The following PALM2AKAP2 variants were observed in gnomAD, a reference collection of about 807,000 sequenced individuals.
The protein encoded by PALM2AKAP2 is PALM2-AKAP2 fusion protein.
A neutral mutation model predicts 71.5 loss-of-function variants in PALM2AKAP2; 37 were observed. The observed-to-expected ratio is 0.52, with a 90% CI of 0.40 to 0.68. The LOEUF is 0.68. PALM2AKAP2 is among the 30% of genes least tolerant of loss of function. PALM2AKAP2 has a pLI of 0.00. For missense variants in PALM2AKAP2, 1,224 were observed against 1,191.8 expected, an observed-to-expected ratio of 1.03 and a Z score of -0.40; for synonymous variants, 468 against 478.8, an observed-to-expected ratio of 0.98 and a Z score of 0.29.
intron 5 of PALM2AKAP2, among the ~76,000 whole-genome samples, chr9:109,930,945 G>A (rs1009744756): frequency 1.3e-5 from 2 of 152,150 alleles, no homozygotes; most frequent in African/African-American, 2.4e-5. Context: ...TTGAGTTTGA[G>A]GTGATTGTGG....
chr9:110,048,869 C>T, intron 1 of PALM2AKAP2: 1 of 1,495,476 alleles, frequency 6.7e-7, no homozygotes, highest in Non-Finnish European at 8.9e-7. Context: ...GGTGTCCAAG[C>T]TGGGGAGGGG....
intron 1 of PALM2AKAP2, among the ~76,000 whole-genome samples, chr9:110,131,243 G>A (rs920842724): frequency 7.9e-5 from 12 of 152,280 alleles, no homozygotes; most frequent in East Asian, 1.9e-4. Context: ...TTTCTGTGTC[G>A]TGGTATTAGG....
At chr9:109,878,759 C>A (rs537716689) in intron 2 of PALM2AKAP2, among the ~76,000 whole-genome samples, 4 of 151,894 alleles carry the variant, frequency 2.6e-5, no homozygotes, top group African/African-American at 9.7e-5. Context: ...TTTTTTGAGA[C>A]GGAGTTTCGC....
chr9:110,016,244 G>T (rs932745934), intron 7 of PALM2AKAP2, among the ~76,000 whole-genome samples: 1 of 152,144 alleles, frequency 6.6e-6, no homozygotes, highest in Non-Finnish European at 1.5e-5. Flanking sequence ...CCCTGAATAT[G>T]CCCGACCTCG....
chr9:109,688,935 A>G (rs1827840343), intron 1 of PALM2AKAP2, among the ~76,000 whole-genome samples: 1 of 152,144 alleles, frequency 6.6e-6, no homozygotes, highest in African/African-American at 2.4e-5. Flanking sequence ...GCAATAATCG[A>G]TTATGTGAGT....
intron 3 of PALM2AKAP2, among the ~76,000 whole-genome samples, chr9:109,893,108 G>A (rs1830122930): frequency 6.6e-6 from 1 of 152,124 alleles, no homozygotes; most frequent in Non-Finnish European, 1.5e-5. Context: ...GCAGTCCAGG[G>A]CAGAGGAAGG....
At chr9:109,722,633 G>A (rs1051981408) in intron 1 of PALM2AKAP2, among the ~76,000 whole-genome samples, 4 of 152,070 alleles carry the variant, frequency 2.6e-5, no homozygotes, top group Admixed American at 6.6e-5. Context: ...TTAGCCAGGC[G>A]TGGTGGCATG....
chr9:110,022,753 G>A (rs1315965568), intron 7 of PALM2AKAP2, among the ~76,000 whole-genome samples: 9 of 144,742 alleles, frequency 6.2e-5, no homozygotes, highest in South Asian at 2.4e-4. Context: ...AACAGTCCCC[G>A]GAGTGTGATG....
chr9:109,942,928 G>C, intron 6 of PALM2AKAP2: 2 of 1,614,168 alleles, frequency 1.2e-6, no homozygotes, highest in Non-Finnish European at 1.7e-6. Flanking sequence ...AAGCTTAGGA[G>C]GAGGGCACGT....
At chr9:109,801,915 A>G (rs1468583067) in intron 1 of PALM2AKAP2, among the ~76,000 whole-genome samples, 1 of 152,178 alleles carries the variant, frequency 6.6e-6, no homozygotes, top group Non-Finnish European at 1.5e-5. Flanking sequence ...GACTAATGAG[A>G]GGGACCATGG....
upstream of PALM2AKAP2, among the ~76,000 whole-genome samples, chr9:109,779,203 C>A (rs1829393814): frequency 6.6e-6 from 1 of 151,994 alleles, no homozygotes; most frequent in Non-Finnish European, 1.5e-5. Context: ...GGTCCTGCCT[C>A]AATGTGAAGA....
intron 7 of PALM2AKAP2, among the ~76,000 whole-genome samples, chr9:110,024,405 A>ATT (rs59855075): frequency 9.5e-5 from 14 of 147,522 alleles, no homozygotes; most frequent in African/African-American, 2.2e-4. Context: ...GATGATGATG[A>ATT]TTTTTTTTTT....
intron 6 of PALM2AKAP2, among the ~76,000 whole-genome samples, chr9:109,934,346 C>A (rs991048222): frequency 2.0e-5 from 3 of 152,188 alleles, no homozygotes; most frequent in African/African-American, 7.2e-5. Flanking sequence ...ACCCACTTAT[C>A]CTTATCCTGC....
At chr9:109,815,562 G>T (rs920093342) in intron 1 of PALM2AKAP2, among the ~76,000 whole-genome samples, 3 of 152,158 alleles carry the variant, frequency 2.0e-5, no homozygotes, top group African/African-American at 7.2e-5. Flanking sequence ...GAAGATGAAA[G>T]AACTTTCCAG....
chr9:109,668,970 C>T (rs951972698), intron 1 of PALM2AKAP2, among the ~76,000 whole-genome samples: 2 of 152,154 alleles, frequency 1.3e-5, no homozygotes, highest in Non-Finnish European at 2.9e-5. Flanking sequence ...GATTTTCATT[C>T]CTAAAATTCT....
chr9:109,653,327 C>G (rs1451220335), intron 1 of PALM2AKAP2, among the ~76,000 whole-genome samples: 2 of 152,170 alleles, frequency 1.3e-5, no homozygotes, highest in South Asian at 2.1e-4. Flanking sequence ...CACTGCTAAA[C>G]CCTTTGTAGA....
At position 109,888,230 on chromosome 9, in the gene PALM2AKAP2, AC is replaced by A. The variant is rs1266747718; in HGVS notation, c.257+7550del. ...AAGCCGGACCTCAGAGCTTGACCAA[AC>A]TTGGCTGGAGTCCTAGTTCTGTATT... On this transcript the variant is annotated intron_variant, in intron 3 of 9. Coordinates refer to the PALM2AKAP2 transcript ENST00000302798. Among the ~76,000 whole-genome samples, 6 of 152,286 alleles carry A rather than the reference AC, an allele frequency of 3.9e-5. No homozygotes were observed. In the East Asian group the frequency reaches 9.6e-4, roughly 24 times the overall value.
chr9:110,156,790 A>G (rs1200933515), intron 3 of PALM2AKAP2, among the ~76,000 whole-genome samples: 1 of 152,206 alleles, frequency 6.6e-6, no homozygotes, highest in Non-Finnish European at 1.5e-5. Flanking sequence ...ACAGCATGCA[A>G]GGGCCACGCA....
intron 1 of PALM2AKAP2, among the ~76,000 whole-genome samples, chr9:109,731,186 A>C (rs925893910): frequency 1.3e-5 from 2 of 152,190 alleles, no homozygotes; most frequent in African/African-American, 2.4e-5. Flanking sequence ...TACAGAGGAG[A>C]TTGTGTCTTA....
Sources: gnomAD v4.1 joint callset for allele counts (sites outside exome capture counted in the v4.1 genomes callset) on GRCh38, gnomAD v4.1.1 for gene constraint, MANE v1.5 for transcripts, NCBI Gene and HGNC (gene_info 2026-07-23, HGNC 2026-07-21) for gene names.